RASL10B: variants seen among roughly 807,000 people sequenced by gnomAD.
RASL10B encodes ras-like protein family member 10B.
Under a neutral mutation model 20.7 loss-of-function variants are expected in RASL10B, and 10 were observed. The ratio of observed to expected loss-of-function variants is 0.48; its 90% CI spans 0.30 to 0.82. RASL10B has a LOEUF of 0.82. RASL10B is among the 40% of genes least tolerant of loss of function. RASL10B has a pLI of 0.07. For synonymous variants in RASL10B, 110 were observed against 123.3 expected (o/e 0.89, Z 0.72); for missense variants, 231 against 295.4 (o/e 0.78, Z 1.60).
chr17:35,736,620 C>T (rs1555597248), intron 2 of RASL10B, among the ~76,000 whole-genome samples: 2 of 152,246 alleles, frequency 1.3e-5, no homozygotes, highest in Non-Finnish European at 2.9e-5. Context: ...CTTTAACAAT[C>T]ACCTGATTGG....
chr17:35,735,335 C>T lies in RASL10B; in HGVS notation c.151C>T (p.His51Tyr). 6.2e-7 allele frequency: 1 copy of T among 1,614,216 alleles called. No homozygotes were observed. The highest frequency in any genetic ancestry group is 8.5e-7 in the Non-Finnish European group (1 of 1,180,050). The change falls in exon 2 of 4, where the codon CAC becomes TAC. Residue 51 changes from histidine (H) to tyrosine (Y), a missense_variant. Transcript: ENST00000603017. This position sits in a 1 kb window ranked among gnomAD's most constrained non-coding sequence, Gnocchi z 6.7. Reference sequence around the variant, plus strand: ...CCTGCCTGCTGTCGTCATGAACGGCCACGTGCACGACCTCCAGATCCTCGA... The same window carrying T: ...CCTGCCTGCTGTCGTCATGAACGGCTACGTGCACGACCTCCAGATCCTCGA... ...LYLPAVVMNG[H>Y]VHDLQILDFP...
rs1433853594 is a variant in RASL10B, at chr17:35,741,968, C to T, written c.*663C>T. The T allele has an allele frequency of 6.5e-6, 1 of 152,756 alleles. No individual in the cohort carries two copies. Among genetic ancestry groups the T allele is most frequent in the Non-Finnish European group, 1.5e-5 (1 of 68,166 alleles). 9.5% of individuals were successfully genotyped at this position (152,756 alleles called of 1,614,324 possible). ...AGCTCTCCGGCTTCCAGGGAGACCT[C>T]CCCGCCCAGCAGCCCCCAGAGACAC... On this transcript the variant is annotated 3_prime_UTR_variant, in exon 4 of 4. Coordinates refer to ENST00000603017, the MANE Select transcript of RASL10B (RefSeq NM_033315.4).
chr17:35,732,821 C>T (rs959482893), intron 1 of RASL10B, among the ~76,000 whole-genome samples: 5 of 152,134 alleles, frequency 3.3e-5, no homozygotes, highest in Non-Finnish European at 7.4e-5. Context: ...CCTAGGACTC[C>T]CCACTCCCCA....
chr17:35,741,168 T>C lies in RASL10B; in HGVS notation c.475T>C (p.Ser159Pro). The change falls in exon 4 of 4, where the codon TCG becomes CCG. Residue 159 changes from serine to proline, a missense_variant. Coordinates refer to ENST00000603017, the MANE Select transcript of RASL10B (RefSeq NM_033315.4). ...CTGGAAGTGCGGCTACGTGGAATGC[T>C]CGGCCAAGTACAACTGGCACATCCT... Reference protein sequence around the residue: ...KTWKCGYVECSAKYNWHILLL... With the variant: ...KTWKCGYVECPAKYNWHILLL... 6.2e-7 allele frequency: 1 copy of C among 1,613,400 alleles called. No homozygotes were observed. Among genetic ancestry groups the C allele is most frequent in the Non-Finnish European group, 8.5e-7 (1 of 1,180,026 alleles).
chr17:35,733,339 C>A (rs2085571055), intron 1 of RASL10B, among the ~76,000 whole-genome samples: 1 of 152,202 alleles, frequency 6.6e-6, no homozygotes, highest in Non-Finnish European at 1.5e-5. Flanking sequence ...TTTACATGCA[C>A]ACATCATAAC....
In RASL10B at chr17:35,741,664, T is replaced by A. The variant is rs1217047931; in HGVS notation, c.*359T>A. On this transcript the variant is annotated 3_prime_UTR_variant, in exon 4 of 4. Coordinates refer to ENST00000603017, the MANE Select transcript of RASL10B (RefSeq NM_033315.4). ...GGGCCCCCACGTGTCTTCTCCAGAA[T>A]GTGTCTGTCTTTGCCTGGTGTCTTC... is the stretch of plus-strand genomic sequence containing the variant. 8 of 265,786 alleles carry A rather than the reference T, an allele frequency of 3.0e-5. No individual in the cohort carries two copies. The highest frequency in any genetic ancestry group is 2.8e-5 in the Non-Finnish European group (4 of 141,954). 16.5% of individuals were successfully genotyped at this position (265,786 alleles called of 1,614,324 possible). A position where few individuals can be genotyped will look rare whatever the true frequency, so the allele number is the denominator to read the frequency against.
chr17:35,740,359 G>T, intron 2 of RASL10B, 50 bp from the exon 3 acceptor site: 1 of 1,596,348 alleles, frequency 6.3e-7, no homozygotes, highest in South Asian at 1.1e-5. Flanking sequence ...TGGGGGCTAG[G>T]GGAGCCCTCA....
chr17:35,732,152 C>G (rs1014004414), intron 1 of RASL10B, among the ~76,000 whole-genome samples: 1 of 152,096 alleles, frequency 6.6e-6, no homozygotes, highest in East Asian at 1.9e-4. Context: ...TCATGGGGAG[C>G]GCAGCATCCT....
chr17:35,740,115 C>T (rs1291126586), intron 2 of RASL10B, among the ~76,000 whole-genome samples: 2 of 152,116 alleles, frequency 1.3e-5, no homozygotes, highest in Non-Finnish European at 2.9e-5. Flanking sequence ...ACAAAGGCCT[C>T]GATGGATGGA....
At chr17:35,734,170 C>A (rs942766814) in intron 1 of RASL10B, among the ~76,000 whole-genome samples, 4 of 152,172 alleles carry the variant, frequency 2.6e-5, no homozygotes, top group Non-Finnish European at 5.9e-5. Context: ...CCTGTAATCC[C>A]AGCTACTCGG....
rs1428230763 is a variant in RASL10B, at chr17:35,731,669, A to C, written c.-357A>C. On this transcript the variant is annotated 5_prime_UTR_variant, in exon 1 of 4. Coordinates refer to ENST00000603017, the MANE Select transcript of RASL10B (RefSeq NM_033315.4). Reference sequence around the variant, plus strand: ...AGCGCGAGCAGGCGGCGCGCTCCGGAGGGAGAGCTGGGGCTGGAGGTTCCT... The same window carrying C: ...AGCGCGAGCAGGCGGCGCGCTCCGGCGGGAGAGCTGGGGCTGGAGGTTCCT... 6.6e-6 allele frequency: 1 copy of C among 152,124 alleles called. No homozygotes were observed. Among genetic ancestry groups the C allele is most frequent in the Admixed American group, 6.5e-5 (1 of 15,278 alleles). The allele number at this position is 152,124 out of a possible 1,614,324, so 9.4% of individuals were successfully genotyped here.
rs2085640285 is a variant in RASL10B, at chr17:35,743,102, A to T, written c.*1797A>T. On this transcript the variant is annotated 3_prime_UTR_variant, in exon 4 of 4. Coordinates refer to ENST00000603017, the MANE Select transcript of RASL10B (RefSeq NM_033315.4). ...TGTGAGCCTCCCTCTGACACAGAGG[A>T]GGTGGCTCCCCTTCCCCACACCTTA... 1 of 152,668 alleles carries T rather than the reference A, an allele frequency of 6.6e-6. No homozygotes were observed. Among genetic ancestry groups the T allele is most frequent in the African/African-American group, 2.4e-5 (1 of 41,460 alleles). The allele number at this position is 152,668 out of a possible 1,614,324, so 9.5% of individuals were successfully genotyped here.
intron 2 of RASL10B, among the ~76,000 whole-genome samples, chr17:35,737,637 C>T (rs587696731): frequency 2.7e-5 from 4 of 149,244 alleles, no homozygotes; most frequent in Non-Finnish European, 6.0e-5. Context: ...TGAGGTGGCT[C>T]ATGCCTATAA....
intron 3 of RASL10B, among the ~76,000 whole-genome samples, 190 bp downstream of exon 3, chr17:35,740,723 G>A (rs1210647708): frequency 6.6e-6 from 1 of 152,238 alleles, no homozygotes; most frequent in Non-Finnish European, 1.5e-5. Flanking sequence ...CCGTGGCTGT[G>A]GGGGTGGCTA....
chr17:35,739,213 T>A (rs587674358), intron 2 of RASL10B, among the ~76,000 whole-genome samples: 327 of 152,342 alleles, frequency 2.1e-3, no homozygotes, highest in Non-Finnish European at 3.8e-3. Context: ...TTCCTTTTGA[T>A]CCTTCTTGGA....
At position 35,742,294 on chromosome 17, in the gene RASL10B, C is replaced by T. The variant is rs1555598109; in HGVS notation, c.*989C>T. Reference sequence around the variant, plus strand: ...GGGTTAGGTTGTCCCAGTGAAAATTCTGTTGCCCCGTCTCAACCCCATCTG... The same window carrying T: ...GGGTTAGGTTGTCCCAGTGAAAATTTTGTTGCCCCGTCTCAACCCCATCTG... On this transcript the variant is annotated 3_prime_UTR_variant, in exon 4 of 4. Coordinates refer to ENST00000603017, the MANE Select transcript of RASL10B (RefSeq NM_033315.4). 6.6e-6 allele frequency: 1 copy of T among 152,370 alleles called. No homozygotes were observed. Among genetic ancestry groups the T allele is most frequent in the Non-Finnish European group, 1.5e-5 (1 of 68,234 alleles). 9.4% of individuals were successfully genotyped at this position (152,370 alleles called of 1,614,324 possible).
Position 35,741,231 on chromosome 17 carries a change from G to A in RASL10B, c.538G>A (p.Ala180Thr), listed in dbSNP as rs147094602. 533 of 1,607,200 alleles carry A rather than the reference G, an allele frequency of 3.3e-4. 4 individuals are homozygous for A. In the Middle Eastern group the frequency reaches 6.8e-3, roughly 21 times the overall value. Reference sequence around the variant, plus strand: ...CGAGCTGCTCAAGAGCGTCGGCTGCGCCCGTTGCAAGCACGTGCACGCTGC... The same window carrying A: ...CGAGCTGCTCAAGAGCGTCGGCTGCACCCGTTGCAAGCACGTGCACGCTGC... Reference protein sequence around the residue: ...FSELLKSVGCARCKHVHAALR... With the variant: ...FSELLKSVGCTRCKHVHAALR... The change falls in exon 4 of 4, where the codon GCC becomes ACC. Residue 180 changes from alanine to threonine, a missense_variant. Physicochemically the swap from Ala to Thr is moderately conservative, Grantham distance 58 (BLOSUM62 0). Coordinates refer to ENST00000603017, the MANE Select transcript of RASL10B (RefSeq NM_033315.4).
At position 35,741,624 on chromosome 17, in the gene RASL10B, G is replaced by T. The variant is rs997301278; in HGVS notation, c.*319G>T. 5.8e-6 allele frequency: 2 copies of T among 343,174 alleles called. No homozygotes were observed. Among genetic ancestry groups the T allele is most frequent in the Non-Finnish European group, 1.0e-5 (2 of 191,392 alleles). The allele number at this position is 343,174 out of a possible 1,614,324, so 21.3% of individuals were successfully genotyped here. On this transcript the variant is annotated 3_prime_UTR_variant, in exon 4 of 4. Transcript: ENST00000603017. ...GTGCAATGGAGGCTGGGGGTGGCGA[G>T]GTGCCGCCTTGGCCGGGCCCCCACG...
At chr17:35,733,121 T>C (rs2085569210) in intron 1 of RASL10B, among the ~76,000 whole-genome samples, 1 of 152,196 alleles carries the variant, frequency 6.6e-6, no homozygotes, top group Non-Finnish European at 1.5e-5. Flanking sequence ...GGGGTTTGTT[T>C]GTTTTTTAAA....
Sources: allele counts gnomAD v4.1 joint callset (sites outside exome capture counted in the v4.1 genomes callset), GRCh38; gene constraint gnomAD v4.1.1; non-coding constraint Gnocchi (gnomAD v3.1); transcripts MANE v1.5; gene names NCBI Gene and HGNC (gene_info 2026-07-23, HGNC 2026-07-21).